The following STC2 variants were observed in gnomAD, a reference collection of about 807,000 sequenced individuals.
STC2 encodes the protein stanniocalcin 2.
STC2 carries 7 observed loss-of-function variants against 22.7 expected under a neutral mutation model. The ratio of observed to expected loss-of-function variants is 0.31; its 90% CI spans 0.18 to 0.58. The LOEUF (loss-of-function observed/expected upper bound fraction) is 0.58. STC2 is among the 20% of genes least tolerant of loss of function. The pLI, the probability that STC2 is intolerant of heterozygous loss-of-function variation, is 0.89. For missense variants in STC2, 336 were observed against 406.2 expected (o/e 0.83, Z 1.48); for synonymous variants, 158 against 163.4 (o/e 0.97, Z 0.25).
intron 1 of STC2, among the ~76,000 whole-genome samples, chr5:173,327,121 C>T (rs1762557348): frequency 6.6e-6 from 1 of 152,188 alleles, no homozygotes; most frequent in South Asian, 2.1e-4. Flanking sequence ...TAAGACCCCA[C>T]GCGCCGCCGG....
At position 173,318,266 on chromosome 5, in the gene STC2, AAGAGAGAGAGAGAGAGAG is replaced by A; in HGVS notation, c.507-35_507-18del. 8.1e-7 allele frequency: 1 copy of A among 1,234,376 alleles called. No individual in the cohort carries two copies. Among genetic ancestry groups the A allele is most frequent in the Non-Finnish European group, 1.0e-6 (1 of 980,152 alleles). 76.5% of individuals were successfully genotyped at this position (1,234,376 alleles called of 1,614,324 possible). A position where few individuals can be genotyped will look rare whatever the true frequency, so the allele number is the denominator to read the frequency against. On this transcript the variant is annotated intron_variant, in intron 3 of 3. Coordinates refer to ENST00000265087, the MANE Select transcript of STC2 (RefSeq NM_003714.3). ...ACGTAGGGTCTAAAGATTGAAAGCA[AAGAGAGAGAGAGAGAGAG>A]AGAGAGAGAGAGAGAGGCTGGGAAT...
chr5:173,326,175 C>T lies in STC2; in HGVS notation c.152-165G>A, dbSNP rs960180024. ...CTAAAAAGCCTGGGAAACAAAATTTCGTCCTTTAATCTACTCATGAAAAAT... is the reference window on the plus strand; with the variant it reads ...CTAAAAAGCCTGGGAAACAAAATTTTGTCCTTTAATCTACTCATGAAAAAT... On this transcript the variant is annotated intron_variant, in intron 1 of 3. Coordinates refer to ENST00000265087, the MANE Select transcript of STC2 (RefSeq NM_003714.3). Among the ~76,000 whole-genome samples the T allele has an allele frequency of 1.6e-4, 25 of 152,246 alleles. 1 individual carries two copies. The highest frequency in any genetic ancestry group is 1.5e-3 in the South Asian group (7 of 4,824).
rs1762438207 is a variant in STC2 at position 173,317,703 on chromosome 5, C to T, written c.*144G>A. On this transcript the variant is annotated 3_prime_UTR_variant, in exon 4 of 4. Coordinates refer to ENST00000265087, the MANE Select transcript of STC2 (RefSeq NM_003714.3). Reference sequence around the variant, plus strand: ...GTCTCCATCTCACCTGTCCGTTCCGCGAACACACACCTCGATGAAGTCCAC... The same window carrying T: ...GTCTCCATCTCACCTGTCCGTTCCGTGAACACACACCTCGATGAAGTCCAC... The T allele has an allele frequency of 1.0e-5, 12 of 1,188,908 alleles. No individual in the cohort carries two copies. The highest frequency in any genetic ancestry group is 3.9e-5 in the South Asian group (2 of 51,140). The allele number at this position is 1,188,908 out of a possible 1,614,324, so 73.6% of individuals were successfully genotyped here. A position where few individuals can be genotyped will look rare whatever the true frequency, so the allele number is the denominator to read the frequency against.
At chr5:173,320,712 G>A (rs1345438198) in intron 3 of STC2, among the ~76,000 whole-genome samples, 1 of 150,444 alleles carries the variant, frequency 6.6e-6, no homozygotes, top group Non-Finnish European at 1.5e-5. Context: ...GTGTTCTGGT[G>A]TGGATGGGGG....
rs1312580024 is a variant in STC2, at chr5:173,323,023, G to A, written c.506+196C>T. The A allele has an allele frequency of 1.7e-6, 1 of 597,976 alleles. No individual in the cohort carries two copies. Among genetic ancestry groups the A allele is most frequent in the Non-Finnish European group, 3.0e-6 (1 of 333,104 alleles). The allele number at this position is 597,976 out of a possible 1,614,324, so 37.0% of individuals were successfully genotyped here. A position where few individuals can be genotyped will look rare whatever the true frequency, so the allele number is the denominator to read the frequency against. ...TGCTTGTGATTTTGAGACTGATGAG[G>A]GAATTCTCTCTTTTCCTAAAAGCCA... On this transcript the variant is annotated intron_variant, in intron 3 of 3. Transcript: ENST00000265087. This position sits in a 1 kb window ranked among gnomAD's most constrained non-coding sequence, Gnocchi z 5.4.
chr5:173,322,952 T>A, intron 3 of STC2: 3 of 509,070 alleles, frequency 5.9e-6, no homozygotes, highest in Non-Finnish European at 7.2e-6. Context: ...AGAGTATTAC[T>A]GAATCGACAC....
At position 173,323,284 on chromosome 5, in the gene STC2, C is replaced by T. The variant is rs765087494; in HGVS notation, c.441G>A (p.Ala147=). 99 of 1,614,074 alleles carry T rather than the reference C, an allele frequency of 6.1e-5. No homozygotes were observed. The highest frequency in any genetic ancestry group is 5.4e-4 in the South Asian group (49 of 91,086). Residue 147 remains alanine (A), a synonymous_variant, in exon 3 of 4, where the codon GCG becomes GCA. Transcript: ENST00000265087. The surrounding 1 kb of genome is among the most constrained non-coding windows in gnomAD (Gnocchi z 5.4). ...RECYLKHDLC[A]AAQENTRVIV... ...TCACCCGGGTGTTCTCCTGGGCAGC[C>T]GCGCACAGGTCGTGCTTGAGGTAGC...
In STC2 at chr5:173,328,181, G is replaced by T; in HGVS notation, c.13C>A (p.Arg5=). The change falls in exon 1 of 4, where the codon CGG becomes AGG. Residue 5 remains arginine, a synonymous_variant. Coordinates refer to ENST00000265087, the MANE Select transcript of STC2 (RefSeq NM_003714.3). Reference sequence around the variant, plus strand: ...GCCAGGGTCATGAACTGGCCCAGCCGCTCGGCACACATGGTTCTTGGTATT... The same window carrying T: ...GCCAGGGTCATGAACTGGCCCAGCCTCTCGGCACACATGGTTCTTGGTATT... The part of the protein sequence containing the change: MCAE[R]LGQFMTLALV... 2 of 1,550,742 alleles carry T rather than the reference G, an allele frequency of 1.3e-6. No individual in the cohort carries two copies. Among genetic ancestry groups the T allele is most frequent in the Middle Eastern group, 1.7e-4 (1 of 5,840 alleles).
At chr5:173,326,756 C>T (rs540086144) in intron 1 of STC2, 31 of 152,272 alleles carry the variant, frequency 2.0e-4, no homozygotes, top group African/African-American at 7.2e-4. Flanking sequence ...AGCTTGCAGC[C>T]CTTCACCGAA....
At chr5:173,324,055 G>C (rs1762517279) in intron 2 of STC2, 1 of 153,100 alleles carries the variant, frequency 6.5e-6, no homozygotes, top group African/African-American at 2.4e-5. Context: ...CCTTTAAACT[G>C]TTCGGATTAT....
In STC2 at chr5:173,317,007, G is replaced by A. The variant is rs1037864571; in HGVS notation, c.*840C>T. On this transcript the variant is annotated 3_prime_UTR_variant, in exon 4 of 4. Coordinates refer to ENST00000265087, the MANE Select transcript of STC2 (RefSeq NM_003714.3). ...AAAAAAAGAAAAATCAGCCTCAAAG[G>A]ATGGGCTGGTTTTTTTTTTTTAAAC... 6.6e-6 allele frequency: 1 copy of A among 151,762 alleles called. No individual in the cohort carries two copies. Among genetic ancestry groups the A allele is most frequent in the South Asian group, 2.1e-4 (1 of 4,812 alleles). 9.4% of individuals were successfully genotyped at this position (151,762 alleles called of 1,614,324 possible).
At chr5:173,327,079 C>T (rs1221266018) in intron 1 of STC2, among the ~76,000 whole-genome samples, 1 of 151,688 alleles carries the variant, frequency 6.6e-6, no homozygotes, top group Admixed American at 6.6e-5. Flanking sequence ...GGTGGGGGTG[C>T]CGGCCCCAGC....
At chr5:173,321,386 G>C (rs1762483918) in intron 3 of STC2, among the ~76,000 whole-genome samples, 1 of 152,170 alleles carries the variant, frequency 6.6e-6, no homozygotes, top group African/African-American at 2.4e-5. Flanking sequence ...TCTCTCTAAT[G>C]GGGGACAGGG....
At position 173,317,834 on chromosome 5, in the gene STC2, C is replaced by T. The variant is rs770405032; in HGVS notation, c.*13G>A. Reference sequence around the variant, plus strand: ...CGGCGTGGAGGAAAGATTTCGTGGCCAGGCCTTTCATTTCACCTCCGGATA... The same window carrying T: ...CGGCGTGGAGGAAAGATTTCGTGGCTAGGCCTTTCATTTCACCTCCGGATA... On this transcript the variant is annotated 3_prime_UTR_variant, in exon 4 of 4. Transcript: ENST00000265087. The T allele has an allele frequency of 3.9e-6, 6 of 1,538,102 alleles. No homozygotes were observed. In the African/African-American group the frequency reaches 6.9e-5, roughly 18 times the overall value.
At chr5:173,326,708 A>G (rs904468786) in intron 1 of STC2, 7 of 152,088 alleles carry the variant, frequency 4.6e-5, no homozygotes, top group African/African-American at 1.4e-4. Flanking sequence ...CGGGTGAGGT[A>G]TCACCCAATC....
chr5:173,316,808 CT>C lies in STC2; in HGVS notation c.*1038del, dbSNP rs1762426784. On this transcript the variant is annotated 3_prime_UTR_variant, in exon 4 of 4. Transcript: ENST00000265087. Reference sequence around the variant, plus strand: ...ATCGCCAGGACGCAGCTTTACCAATCTTGGCTGAGGGTCAAGGTGAGATAAC... The same window carrying C: ...ATCGCCAGGACGCAGCTTTACCAATCTGGCTGAGGGTCAAGGTGAGATAAC... 1 of 152,176 alleles carries C rather than the reference CT, an allele frequency of 6.6e-6. No homozygotes were observed. Among genetic ancestry groups the C allele is most frequent in the African/African-American group, 2.4e-5 (1 of 41,428 alleles). The allele number at this position is 152,176 out of a possible 1,614,324, so 9.4% of individuals were successfully genotyped here. A position where few individuals can be genotyped will look rare whatever the true frequency, so the allele number is the denominator to read the frequency against.
Position 173,317,791 on chromosome 5 carries a change from C to T in STC2, c.*56G>A. 6.6e-7 allele frequency: 1 copy of T among 1,511,642 alleles called. No homozygotes were observed. Among genetic ancestry groups the T allele is most frequent in the Non-Finnish European group, 8.9e-7 (1 of 1,128,066 alleles). The allele number at this position is 1,511,642 out of a possible 1,614,324, so 93.6% of individuals were successfully genotyped here. A position where few individuals can be genotyped will look rare whatever the true frequency, so the allele number is the denominator to read the frequency against. On this transcript the variant is annotated 3_prime_UTR_variant, in exon 4 of 4. Transcript: ENST00000265087. ...CTAATGGTAAATGTTTTGGAATGTC[C>T]ATAGATAAGAAAATGGACGGCGTGG...
At chr5:173,321,584 T>G (rs147024382) in intron 3 of STC2, among the ~76,000 whole-genome samples, 29 of 152,376 alleles carry the variant, frequency 1.9e-4, no homozygotes, top group African/African-American at 7.0e-4. Context: ...GATAATAGGC[T>G]GGGAGCAGGT....
Position 173,318,212 on chromosome 5 carries a change from C to T in STC2, c.544G>A (p.Gly182Arg), listed in dbSNP as rs1762448213. ...VDLVNLLLTC[G>R]EEVKEAITHS... ...GTGATGGCCTCCTTCACCTCCTCCCCACAGGTCAGCAGCAAGTTCACGAGG... is the reference window on the plus strand; with the variant it reads ...GTGATGGCCTCCTTCACCTCCTCCCTACAGGTCAGCAGCAAGTTCACGAGG... Residue 182 changes from glycine (G) to arginine (R), a missense_variant, in exon 4 of 4, where the codon GGG becomes AGG. Physicochemically the swap from Gly to Arg is moderately radical, Grantham distance 125. This residue lies in a region of STC2 where 215 missense variants were observed against 231.5 expected (regional missense o/e 0.93). Transcript: ENST00000265087. The T allele has an allele frequency of 1.3e-6, 2 of 1,523,710 alleles. No homozygotes were observed. The highest frequency in any genetic ancestry group is 1.8e-6 in the Non-Finnish European group (2 of 1,134,352). The allele number at this position is 1,523,710 out of a possible 1,614,324, so 94.4% of individuals were successfully genotyped here. A position where few individuals can be genotyped will look rare whatever the true frequency, so the allele number is the denominator to read the frequency against.
Sources: allele counts gnomAD v4.1 joint callset (sites outside exome capture counted in the v4.1 genomes callset), GRCh38; gene constraint gnomAD v4.1.1; regional missense constraint gnomAD v4.1.1; non-coding constraint Gnocchi (gnomAD v3.1); transcripts MANE v1.5; gene names NCBI Gene and HGNC (gene_info 2026-07-23, HGNC 2026-07-21).